Variants in SGK1 observed in about 807,000 individuals in gnomAD.
The protein encoded by SGK1 is serum/glucocorticoid regulated kinase 1, also known as serine/threonine-protein kinase Sgk1.
In SGK1, 26 loss-of-function variants were observed where a neutral mutation model predicts 64.2. That is an observed-to-expected ratio of 0.40 (90% confidence interval 0.30 to 0.56). SGK1 has a LOEUF of 0.56. Ranked by LOEUF, SGK1 falls within the 20% of genes least tolerant of loss-of-function variation. The probability of loss-of-function intolerance (pLI) is 0.38; values close to 1 mark genes in which losing one functional copy is unlikely to be tolerated. For synonymous variants in SGK1, 265 were observed against 239.7 expected, an observed-to-expected ratio of 1.11 and a Z score of -0.98; for missense variants, 519 against 645.6, an observed-to-expected ratio of 0.80 and a Z score of 2.12.
chr6:134,248,320 T>C (rs918734494), intron 2 of SGK1, among the ~76,000 whole-genome samples: 3 of 152,086 alleles, frequency 2.0e-5, no homozygotes, highest in African/African-American at 7.2e-5. Flanking sequence ...ATCCAGTCTT[T>C]AATGCTAGCA....
chr6:134,259,820 A>G (rs559564282), intron 2 of SGK1: 44 of 152,322 alleles, frequency 2.9e-4, no homozygotes, highest in African/African-American at 1.0e-3. Context: ...ATTGTTTTTC[A>G]TGACAAACCT....
At chr6:134,219,629 G>A (rs539665772) in intron 2 of SGK1, among the ~76,000 whole-genome samples, 3 of 151,664 alleles carry the variant, frequency 2.0e-5, no homozygotes, top group African/African-American at 4.8e-5. Context: ...GCGTAGTGGC[G>A]CATGCCTGTA....
intron 1 of SGK1, among the ~76,000 whole-genome samples, chr6:134,287,800 C>T (rs118026393): frequency 1.3e-5 from 2 of 152,046 alleles, no homozygotes; most frequent in African/African-American, 2.4e-5. Context: ...TAATTTTGTA[C>T]TATGCAAGAG....
At chr6:134,290,130 A>G (rs907599201) in intron 1 of SGK1, among the ~76,000 whole-genome samples, 2 of 146,662 alleles carry the variant, frequency 1.4e-5, no homozygotes, top group Non-Finnish European at 3.0e-5. Flanking sequence ...AGCCTGGGCA[A>G]CAAGAGCAAA....
intron 2 of SGK1, among the ~76,000 whole-genome samples, chr6:134,219,860 C>A (rs1182828984): frequency 6.9e-6 from 1 of 145,692 alleles, no homozygotes; most frequent in Non-Finnish European, 1.5e-5. Context: ...GAGATCGAGA[C>A]CATCCCGGCT....
chr6:134,199,128 C>T (rs926356123), intron 3 of SGK1, among the ~76,000 whole-genome samples: 4 of 151,988 alleles, frequency 2.6e-5, no homozygotes, highest in African/African-American at 7.2e-5. Flanking sequence ...AACACAAAGA[C>T]GGAAACAACA....
intron 2 of SGK1, chr6:134,230,416 A>G (rs1030024352): frequency 7.9e-5 from 12 of 152,186 alleles, no homozygotes; most frequent in African/African-American, 2.9e-4. Flanking sequence ...TCATGGCTGG[A>G]GAGGCCTCAG....
intron 2 of SGK1, among the ~76,000 whole-genome samples, chr6:134,221,852 CA>C (rs1283677337): frequency 6.6e-6 from 1 of 152,010 alleles, no homozygotes; most frequent in Non-Finnish European, 1.5e-5. Flanking sequence ...AGGGTTTCAC[CA>C]TGTCGGCCAG....
chr6:134,208,896 G>GTA (rs35364662), intron 2 of SGK1, among the ~76,000 whole-genome samples: 21,655 of 147,322 alleles, frequency 0.15, 2,037 homozygotes, highest in African/African-American at 0.25. Flanking sequence ...GTATGTGTGT[G>GTA]TATATATATA....
At chr6:134,251,930 A>T (rs1247894461) in intron 2 of SGK1, among the ~76,000 whole-genome samples, 1 of 151,826 alleles carries the variant, frequency 6.6e-6, no homozygotes, top group Non-Finnish European at 1.5e-5. Context: ...AATTTTTAAA[A>T]TTTTCTGTAG....
At chr6:134,242,573 C>T (rs1402289228) in intron 2 of SGK1, among the ~76,000 whole-genome samples, 3 of 151,584 alleles carry the variant, frequency 2.0e-5, no homozygotes, top group African/African-American at 7.3e-5. Flanking sequence ...GAAATTTACC[C>T]ACAGTTGCTT....
At chr6:134,170,755 C>A in intron 13 of SGK1, 71 bp downstream of exon 13, 1 of 1,027,188 alleles carries the variant, frequency 9.7e-7, no homozygotes. Flanking sequence ...CCAACCCTCC[C>A]CCAGACAATT....
At chr6:134,181,747 G>A (rs6928226) in intron 3 of SGK1, among the ~76,000 whole-genome samples, 15,020 of 152,206 alleles carry the variant, frequency 0.099, 869 homozygotes, top group East Asian at 0.25. Context: ...AACTCTGTGT[G>A]CCAGTTGTAA....
rs1480190963 is a variant in SGK1 at position 134,317,705 on chromosome 6, T to C, written c.-245A>G. On this transcript the variant is annotated 5_prime_UTR_variant, in exon 1 of 14. An upstream start codon of the reference 5' UTR is lost. Transcript: ENST00000367858. ...CCATCATTGCTCCGAAACATATGCA[T>C]CACCGCTGCAGGACCCTGGGGGCCG... 1.9e-6 allele frequency: 1 copy of C among 520,382 alleles called. No individual in the cohort carries two copies. The allele number at this position is 520,382 out of a possible 1,614,324, so 32.2% of individuals were successfully genotyped here.
chr6:134,317,339 A>T, intron 1 of SGK1, 53 bp downstream of exon 1: 1 of 1,135,088 alleles, frequency 8.8e-7, no homozygotes, highest in Non-Finnish European at 1.3e-6. Flanking sequence ...AACATTCAAA[A>T]GCATTTAAGA....
intron 3 of SGK1, among the ~76,000 whole-genome samples, chr6:134,191,471 G>C (rs956331199): frequency 1.3e-5 from 2 of 152,084 alleles, no homozygotes; most frequent in Non-Finnish European, 2.9e-5. Context: ...TCCTCATGAA[G>C]GTTTTTTAAG....
At chr6:134,176,201 A>T (rs912169705) in intron 3 of SGK1, among the ~76,000 whole-genome samples, 33 of 152,048 alleles carry the variant, frequency 2.2e-4, no homozygotes, top group Admixed American at 2.2e-3. Context: ...CCGCTGTCCC[A>T]CCTGAAAACC....
chr6:134,210,869 T>TA (rs774829246), intron 2 of SGK1, among the ~76,000 whole-genome samples: 12 of 144,382 alleles, frequency 8.3e-5, no homozygotes, highest in Non-Finnish European at 1.6e-4. Context: ...CTCACGCCTG[T>TA]AATCCCACAC....
At chr6:134,278,863 AG>A (rs1248917314) in intron 1 of SGK1, among the ~76,000 whole-genome samples, 2 of 152,108 alleles carry the variant, frequency 1.3e-5, no homozygotes, top group Admixed American at 6.6e-5. Context: ...CAGAAGCACA[AG>A]AAAAAAAAAA....
Sources: allele counts gnomAD v4.1 joint callset (sites outside exome capture counted in the v4.1 genomes callset), GRCh38; gene constraint gnomAD v4.1.1; transcripts MANE v1.5; gene names NCBI Gene and HGNC (gene_info 2026-07-23, HGNC 2026-07-21).